Variants in SPMIP2 observed in about 807,000 individuals in gnomAD.
The protein encoded by SPMIP2 is sperm microtubule inner protein 2, also known as protein SPMIP2.
the SPMIP2 span, among the ~76,000 whole-genome samples, chr4:158,940,345 G>A: frequency 2.5e-3 from 388 of 152,216 alleles, 2 homozygotes; most frequent in Middle Eastern, 6.8e-3. Flanking sequence ...TGAGGTAGTG[G>A]GAGTTCGAAA....
At chr4:158,944,867 T>C in the SPMIP2 span, among the ~76,000 whole-genome samples, 1 of 152,226 alleles carries the variant, frequency 6.6e-6, no homozygotes, top group African/African-American at 2.4e-5. Context: ...TCTCCTGGGC[T>C]GCCTGACAGA....
chr4:158,976,263 T>C, the SPMIP2 span, among the ~76,000 whole-genome samples: 1 of 152,176 alleles, frequency 6.6e-6, no homozygotes, highest in African/African-American at 2.4e-5. Flanking sequence ...TCTCTTCCTA[T>C]TTGAATACAT....
chr4:158,960,977 CAGAT>C, the SPMIP2 span, among the ~76,000 whole-genome samples: 1 of 142,366 alleles, frequency 7.0e-6, no homozygotes, highest in Non-Finnish European at 1.5e-5. Flanking sequence ...TAGGAACTGT[CAGAT>C]GGATGGCACA....
chr4:158,955,985 A>G, the SPMIP2 span, among the ~76,000 whole-genome samples: 3 of 152,108 alleles, frequency 2.0e-5, no homozygotes, highest in African/African-American at 7.2e-5. Context: ...CTTTTCCTAT[A>G]CTGCTTTTTC....
At chr4:159,062,429 C>T in the SPMIP2 span, among the ~76,000 whole-genome samples, 1 of 152,062 alleles carries the variant, frequency 6.6e-6, no homozygotes, top group South Asian at 2.1e-4. Flanking sequence ...TTAACTATGC[C>T]CCCTTTTCAG....
chr4:158,937,925 T>C, the SPMIP2 span, among the ~76,000 whole-genome samples: 1 of 152,244 alleles, frequency 6.6e-6, no homozygotes, highest in African/African-American at 2.4e-5. Flanking sequence ...TAATTTTTTA[T>C]ACCAGCTTAA....
At chr4:158,997,059 A>AAC in the SPMIP2 span, among the ~76,000 whole-genome samples, 1 of 152,004 alleles carries the variant, frequency 6.6e-6, no homozygotes, top group Non-Finnish European at 1.5e-5. Flanking sequence ...CCTCAGAGAA[A>AAC]ACACACACAC....
the SPMIP2 span, among the ~76,000 whole-genome samples, chr4:159,043,220 C>T: frequency 2.6e-5 from 4 of 152,224 alleles, no homozygotes; most frequent in African/African-American, 9.6e-5. Context: ...ACACTGGATA[C>T]AGTTAGCTGC....
chr4:159,007,059 T>C, the SPMIP2 span: 1 of 487,746 alleles, frequency 2.1e-6, no homozygotes, highest in Non-Finnish European at 4.0e-6. Context: ...TAAAATGTAT[T>C]TAAAATATAT....
chr4:159,062,092 T>A, the SPMIP2 span, among the ~76,000 whole-genome samples: 1 of 152,164 alleles, frequency 6.6e-6, no homozygotes, highest in Admixed American at 6.5e-5. Context: ...CAGCAGAACC[T>A]AACTGGCTGC....
the SPMIP2 span, among the ~76,000 whole-genome samples, chr4:159,008,720 T>C: frequency 6.6e-5 from 10 of 152,358 alleles, no homozygotes; most frequent in African/African-American, 2.4e-4. Context: ...AATACACATT[T>C]ATAAAGTGGA....
the SPMIP2 span, among the ~76,000 whole-genome samples, chr4:158,927,197 T>A: frequency 1.3e-3 from 197 of 152,286 alleles, no homozygotes; most frequent in African/African-American, 4.2e-3. Context: ...CCCTCTTTTT[T>A]AAAAAATATA....
At chr4:159,065,197 T>C in the SPMIP2 span, among the ~76,000 whole-genome samples, 1 of 152,200 alleles carries the variant, frequency 6.6e-6, no homozygotes, top group Non-Finnish European at 1.5e-5. Context: ...CTCTAGCTGC[T>C]TTTGAGTATT....
chr4:159,050,658 C>T, the SPMIP2 span, among the ~76,000 whole-genome samples: 3 of 151,806 alleles, frequency 2.0e-5, no homozygotes, highest in East Asian at 5.8e-4. Context: ...AAAAATTAGC[C>T]ATGGTGTGTG....
At chr4:158,937,030 G>A in the SPMIP2 span, among the ~76,000 whole-genome samples, 1 of 152,184 alleles carries the variant, frequency 6.6e-6, no homozygotes, top group Non-Finnish European at 1.5e-5. Context: ...TACCACAAAG[G>A]AGGAACGGGG....
chr4:159,023,605 C>G, the SPMIP2 span, among the ~76,000 whole-genome samples: 2 of 152,342 alleles, frequency 1.3e-5, no homozygotes, highest in African/African-American at 4.8e-5. Context: ...TCACAATCTT[C>G]TAGAGTCATC....
the SPMIP2 span, among the ~76,000 whole-genome samples, chr4:159,077,506 C>T: frequency 1.6e-4 from 24 of 152,126 alleles, no homozygotes; most frequent in East Asian, 9.6e-4. Flanking sequence ...AGGTTAGCTT[C>T]TTTGGTTTCT....
At chr4:158,915,409 GC>G in the SPMIP2 span, 1 of 1,438,990 alleles carries the variant, frequency 6.9e-7, no homozygotes, top group Non-Finnish European at 9.5e-7. Context: ...TAGAAACAAG[GC>G]CACCAGTTTT....
the SPMIP2 span, among the ~76,000 whole-genome samples, chr4:158,971,609 G>A: frequency 1.7e-4 from 26 of 152,100 alleles, no homozygotes; most frequent in African/African-American, 6.0e-4. Context: ...TGCCAGGATC[G>A]CGCTCAGTGC....
Sources: gnomAD v4.1 joint callset for allele counts (sites outside exome capture counted in the v4.1 genomes callset) on GRCh38, gnomAD v4.1.1 for gene constraint, MANE v1.5 for transcripts, NCBI Gene and HGNC (gene_info 2026-07-23, HGNC 2026-07-21) for gene names.